Variants in ZFYVE16 observed in about 807,000 individuals in gnomAD.
ZFYVE16 encodes the protein zinc finger FYVE domain-containing protein 16.
ZFYVE16 carries 89 observed loss-of-function variants against 138.1 expected under a neutral mutation model. That is an observed-to-expected ratio of 0.64 (90% CI 0.54 to 0.77). The LOEUF is 0.77. Ranked by LOEUF, ZFYVE16 falls within the 30% of genes least tolerant of loss-of-function variation. The pLI is 0.00. For missense variants in ZFYVE16, 1,793 were observed against 1,786.7 expected (o/e 1.00, Z -0.06); for synonymous variants, 596 against 618.3 (o/e 0.96, Z 0.53).
chr5:80,437,341 A>T lies in ZFYVE16; in HGVS notation c.656A>T (p.Tyr219Phe). 6.2e-7 allele frequency: 1 copy of T among 1,602,160 alleles called. No individual in the cohort carries two copies. The highest frequency in any genetic ancestry group is 8.5e-7 in the Non-Finnish European group (1 of 1,176,020). ...IKVDTTLSDS[Y>F]NYSGTENLKD... is the part of the protein sequence containing the mutation. ...GTAGATACAACACTTTCAGATTCCTATAATTACAGTGGAACAGAAAATTTA... is the reference window on the plus strand; with the variant it reads ...GTAGATACAACACTTTCAGATTCCTTTAATTACAGTGGAACAGAAAATTTA... The change falls in exon 4 of 19, where the codon TAT becomes TTT. Residue 219 changes from tyrosine to phenylalanine, a missense_variant. Tyr to Phe is a conservative substitution (Grantham distance 22, BLOSUM62 3). This residue lies in a region of ZFYVE16 where 1,295 missense variants were observed against 1,204.3 expected (regional missense o/e 1.08). Transcript: ENST00000505560.
rs1451385647 is a variant in ZFYVE16 at position 80,472,898 on chromosome 5, G to A, written c.4162G>A (p.Asp1388Asn). The A allele has an allele frequency of 1.2e-6, 2 of 1,601,190 alleles. No homozygotes were observed. The highest frequency in any genetic ancestry group is 2.7e-5 in the African/African-American group (2 of 74,516). The change falls in exon 16 of 19, where the codon GAT (aspartate) becomes AAT (asparagine). Residue 1388 changes from aspartate to asparagine, a missense_variant. Asp to Asn is a conservative substitution (Grantham distance 23). This residue lies in a region of ZFYVE16 where 498 missense variants were observed against 582.4 expected (regional missense o/e 0.86). Coordinates refer to ENST00000505560, the MANE Select transcript of ZFYVE16 (RefSeq NM_001284236.3). ...LREYVDICWV[D>N]AEEKGNKGVI... ...AGAATACGTGGATATCTGCTGGGTA[G>A]ATGCTGAAGAAAAAGGAAACAAAGG... is the stretch of plus-strand genomic sequence containing the variant.
In ZFYVE16 at chr5:80,436,871, C is replaced by T. The variant is rs144412842; in HGVS notation, c.186C>T (p.Cys62=). ...RTSLLPKDQE[C]VNSCASSETS... ...CATTGCTCCCAAAAGACCAAGAGTG[C>T]GTTAATAGTTGTGCCTCATCAGAAA... The change falls in exon 4 of 19, where the codon TGC becomes TGT. Residue 62 remains cysteine (C), a synonymous_variant. Transcript: ENST00000505560. 63 of 1,614,080 alleles carry T rather than the reference C, an allele frequency of 3.9e-5. No individual in the cohort carries two copies. In the East Asian group the frequency reaches 8.5e-4, roughly 22 times the overall value.
rs948978279 is a variant in ZFYVE16, at chr5:80,418,263, C to T, written c.-93-9229C>T. 2.0e-5 allele frequency among the ~76,000 whole-genome samples: 3 copies of T among 149,116 alleles called. No individual in the cohort carries two copies. The Admixed American group carries it at 2.0e-4, about 10-fold the overall frequency. On this transcript the variant is annotated intron_variant, in intron 1 of 18. Coordinates refer to ENST00000505560, the MANE Select transcript of ZFYVE16 (RefSeq NM_001284236.3). ...CTCCTCTCCTCTTTCCTTTCCCCTC[C>T]TCTTTGCTCTTTCTTTTCCCTTCCC...
intron 2 of ZFYVE16, among the ~76,000 whole-genome samples, chr5:80,433,274 C>A (rs200770962): frequency 6.6e-6 from 1 of 152,178 alleles, no homozygotes; most frequent in African/African-American, 2.4e-5. Context: ...AGGATGAGTT[C>A]ATGTCATTTG....
chr5:80,454,966 T>C (rs527729265), intron 11 of ZFYVE16: 1 of 152,330 alleles, frequency 6.6e-6, no homozygotes, highest in South Asian at 2.1e-4. Context: ...TTCTAACCAA[T>C]TATCATAATT....
At chr5:80,427,945 A>G (rs1327920244) in intron 2 of ZFYVE16, among the ~76,000 whole-genome samples, 2 of 119,292 alleles carry the variant, frequency 1.7e-5, no homozygotes, top group Non-Finnish European at 3.3e-5. Flanking sequence ...GCACTCTAGC[A>G]TGCGTGACAG....
intron 15 of ZFYVE16, among the ~76,000 whole-genome samples, chr5:80,470,786 C>T (rs1047603126): frequency 4.6e-5 from 7 of 152,162 alleles, no homozygotes; most frequent in Non-Finnish European, 1.0e-4. Flanking sequence ...ACTGGGATTA[C>T]AGTTGTGAGC....
chr5:80,439,497 T>C (rs1750414970), intron 4 of ZFYVE16, among the ~76,000 whole-genome samples: 1 of 152,186 alleles, frequency 6.6e-6, no homozygotes, highest in Non-Finnish European at 1.5e-5. Context: ...AGATTGTCTA[T>C]AAATTCTAAG....
chr5:80,459,451 A>G lies in ZFYVE16; in HGVS notation c.3981A>G (p.Leu1327=). ...GASFVVFNGA[L]KTSSGFLAKS... The stretch of plus-strand genomic sequence containing the variant: ...GTTTTGTGGTATTCAATGGAGCTCT[A>G]AAAACATCTTCAGGATTTCTTGCTA... The change falls in exon 15 of 19, where the codon CTA becomes CTG. Residue 1327 remains leucine (L), a synonymous_variant. Coordinates refer to ENST00000505560, the MANE Select transcript of ZFYVE16 (RefSeq NM_001284236.3). The G allele has an allele frequency of 3.7e-6, 6 of 1,613,306 alleles. No homozygotes were observed. Among genetic ancestry groups the G allele is most frequent in the Non-Finnish European group, 5.1e-6 (6 of 1,179,608 alleles).
intron 3 of ZFYVE16, 74 bp from the exon 4 acceptor site, chr5:80,436,682 C>G (rs1025435931): frequency 7.5e-7 from 1 of 1,340,228 alleles, no homozygotes; most frequent in African/African-American, 1.5e-5. Flanking sequence ...GTTTAGAAGT[C>G]TTGGGAAACA....
rs1437403970 is a variant in ZFYVE16, at chr5:80,474,940, C to T, written c.4461+110C>T. ...AAGGGAACGAAAATTTGTTGAGCAT[C>T]AAATGTGTGCTACACACTTCACATA... On this transcript the variant is annotated intron_variant, in intron 18 of 18. Coordinates refer to ENST00000505560, the MANE Select transcript of ZFYVE16 (RefSeq NM_001284236.3). The T allele has an allele frequency of 3.5e-6, 4 of 1,143,608 alleles. No homozygotes were observed. In the African/African-American group the frequency reaches 6.2e-5, roughly 18 times the overall value. The allele number at this position is 1,143,608 out of a possible 1,614,324, so 70.8% of individuals were successfully genotyped here.
At chr5:80,455,933 C>T (rs1580302859) in intron 12 of ZFYVE16, 159 bp downstream of exon 12, 2 of 635,866 alleles carry the variant, frequency 3.1e-6, no homozygotes, top group East Asian at 6.6e-5. Flanking sequence ...CATTAGTGCT[C>T]AGTTTTTGAC....
chr5:80,450,901 T>C (rs1751925120), intron 10 of ZFYVE16, among the ~76,000 whole-genome samples: 2 of 148,844 alleles, frequency 1.3e-5, no homozygotes, highest in Non-Finnish European at 3.0e-5. Context: ...AACCTCTGCT[T>C]CCCGGGTTCA....
chr5:80,455,488 T>C, intron 11 of ZFYVE16: 2 of 496,474 alleles, frequency 4.0e-6, no homozygotes, highest in Non-Finnish European at 7.1e-6. Context: ...GAGTCGAGAT[T>C]GCACCGCTGC....
chr5:80,420,252 G>T (rs1321031846), intron 1 of ZFYVE16, among the ~76,000 whole-genome samples: 2 of 151,774 alleles, frequency 1.3e-5, no homozygotes, highest in Admixed American at 1.3e-4. Context: ...GATTATAGGC[G>T]TGTACCACCA....
chr5:80,472,393 A>G (rs1754470505), intron 15 of ZFYVE16, among the ~76,000 whole-genome samples: 1 of 151,598 alleles, frequency 6.6e-6, no homozygotes, highest in Non-Finnish European at 1.5e-5. Flanking sequence ...GGAGATAACC[A>G]TGGGCTTAAC....
chr5:80,419,961 T>G (rs545914504), intron 1 of ZFYVE16, among the ~76,000 whole-genome samples: 1,490 of 147,872 alleles, frequency 0.01, 17 homozygotes, highest in Non-Finnish European at 0.018. Context: ...ACAGGTACAC[T>G]CCACCACGCC....
At position 80,481,275 on chromosome 5, in the gene ZFYVE16, A is replaced by G. The variant is rs1196637956; in HGVS notation, c.*3898A>G. The stretch of plus-strand genomic sequence containing the variant: ...GGCTAACGCCCTGACTTTCTAGCCA[A>G]AAACCAAGAATGGGGTTCTAGAAAC... On this transcript the variant is annotated 3_prime_UTR_variant, in exon 19 of 19. Transcript: ENST00000505560. 1.3e-5 allele frequency among the ~76,000 whole-genome samples: 2 copies of G among 152,208 alleles called. No individual in the cohort carries two copies. Among genetic ancestry groups the G allele is most frequent in the African/African-American group, 4.8e-5 (2 of 41,442 alleles).
At chr5:80,473,937 C>T (rs957639605) in intron 17 of ZFYVE16, 78 bp downstream of exon 17, 2 of 1,042,224 alleles carry the variant, frequency 1.9e-6, no homozygotes, top group Non-Finnish European at 2.9e-6. Flanking sequence ...CATACTCAAC[C>T]TCTAAATATT....
Sources: gnomAD v4.1 joint callset for allele counts (sites outside exome capture counted in the v4.1 genomes callset) on GRCh38, gnomAD v4.1.1 for gene constraint, gnomAD v4.1.1 regional missense constraint, MANE v1.5 for transcripts, NCBI Gene and HGNC (gene_info 2026-07-23, HGNC 2026-07-21) for gene names.